SPATA17: variants seen among roughly 807,000 people sequenced by gnomAD.
The protein encoded by SPATA17 is spermatogenesis associated 17.
Under a neutral mutation model 62.2 loss-of-function variants are expected in SPATA17, and 53 were observed. The ratio of observed to expected loss-of-function variants is 0.85; its 90% CI spans 0.68 to 1.07. The LOEUF (loss-of-function observed/expected upper bound fraction) is 1.07, where lower values mean the gene tolerates loss of function less well. Among genes scored for constraint, SPATA17 ranks in the 50% least tolerant of loss-of-function variants. The pLI is 0.00. For synonymous variants in SPATA17, 146 were observed against 146.8 expected (o/e 0.99, Z 0.04); for missense variants, 466 against 425.5 (o/e 1.10, Z -0.84).
intron 8 of SPATA17, among the ~76,000 whole-genome samples, chr1:217,784,697 C>G (rs1673816201): frequency 6.6e-6 from 1 of 152,102 alleles, no homozygotes; most frequent in Non-Finnish European, 1.5e-5. Context: ...CTTTGTATTA[C>G]TACAAATGTA....
At position 217,770,978 on chromosome 1, in the gene SPATA17, A is replaced by ATTTTTTTTTTTTTTTTTTTTTTTTTTT. The variant is rs374042087; in HGVS notation, c.520-3352_520-3326dup. On this transcript the variant is annotated intron_variant, in intron 6 of 10. Coordinates refer to ENST00000366933, the MANE Select transcript of SPATA17 (RefSeq NM_138796.4). ...ATGTATCTATTATATAACTCATTGC[A>ATTTTTTTTTTTTTTTTTTTTTTTTTTT]TTTTTTTTTTTTTTTTTTTTTTTTT... Among the ~76,000 whole-genome samples the ATTTTTTTTTTTTTTTTTTTTTTTTTTT allele has an allele frequency of 9.0e-4, 45 of 50,158 alleles. 9 individuals are homozygous for ATTTTTTTTTTTTTTTTTTTTTTTTTTT. The highest frequency in any genetic ancestry group is 5.9e-3 in the East Asian group (7 of 1,196). The allele number at this position is 50,158 out of a possible 152,430, so 32.9% of individuals were successfully genotyped here. A position where few individuals can be genotyped will look rare whatever the true frequency, so the allele number is the denominator to read the frequency against.
At chr1:217,679,670 C>T (rs1327952652) in intron 4 of SPATA17, among the ~76,000 whole-genome samples, 1 of 152,108 alleles carries the variant, frequency 6.6e-6, no homozygotes, top group Non-Finnish European at 1.5e-5. Flanking sequence ...GAATTTTAGC[C>T]AGCCTTTGGA....
At chr1:217,773,078 G>C (rs1236732231) in intron 6 of SPATA17, among the ~76,000 whole-genome samples, 1 of 152,142 alleles carries the variant, frequency 6.6e-6, no homozygotes, top group East Asian at 1.9e-4. Flanking sequence ...ATAGGATATT[G>C]CATTTGGGAT....
chr1:217,636,801 C>T (rs1329446440), intron 1 of SPATA17, among the ~76,000 whole-genome samples: 1 of 152,142 alleles, frequency 6.6e-6, no homozygotes, highest in Admixed American at 6.5e-5. Context: ...CCACTTCCAT[C>T]TTTTAACTTT....
At chr1:217,654,928 T>C (rs1180666961) in intron 3 of SPATA17, among the ~76,000 whole-genome samples, 1 of 152,076 alleles carries the variant, frequency 6.6e-6, no homozygotes, top group Non-Finnish European at 1.5e-5. Flanking sequence ...AGCCAGATGG[T>C]CTCAATCTCC....
At chr1:217,790,757 A>C (rs760442679) in intron 8 of SPATA17, among the ~76,000 whole-genome samples, 8 of 152,214 alleles carry the variant, frequency 5.3e-5, no homozygotes, top group Non-Finnish European at 1.2e-4. Flanking sequence ...CTTTAAATAT[A>C]ATTTCTAATT....
At chr1:217,707,801 A>G (rs991990130) in intron 5 of SPATA17, among the ~76,000 whole-genome samples, 1 of 152,230 alleles carries the variant, frequency 6.6e-6, no homozygotes, top group African/African-American at 2.4e-5. Context: ...CCTCACAATC[A>G]GCCCTAAAAC....
intron 8 of SPATA17, among the ~76,000 whole-genome samples, chr1:217,798,769 A>G (rs138277978): frequency 4.0e-5 from 6 of 151,858 alleles, no homozygotes; most frequent in African/African-American, 1.5e-4. Flanking sequence ...GAGATGCAAC[A>G]TCCATCATAG....
intron 5 of SPATA17, among the ~76,000 whole-genome samples, chr1:217,732,902 C>G (rs1269648719): frequency 6.6e-6 from 1 of 151,992 alleles, no homozygotes; most frequent in Non-Finnish European, 1.5e-5. Flanking sequence ...TTTACAGCAA[C>G]TCTCTAGATG....
chr1:217,748,166 G>T (rs1056517327), intron 6 of SPATA17, among the ~76,000 whole-genome samples: 1 of 151,772 alleles, frequency 6.6e-6, no homozygotes, highest in African/African-American at 2.4e-5. Flanking sequence ...AGCCAGGCAT[G>T]GTGGCGAGCG....
intron 9 of SPATA17, among the ~76,000 whole-genome samples, chr1:217,858,730 A>C (rs1675833536): frequency 6.6e-6 from 1 of 152,118 alleles, no homozygotes; most frequent in Non-Finnish European, 1.5e-5. Flanking sequence ...TCTTAAAAAA[A>C]TAATAAAATA....
chr1:217,672,552 T>C (rs1041579353), intron 4 of SPATA17, among the ~76,000 whole-genome samples: 4 of 152,198 alleles, frequency 2.6e-5, no homozygotes, highest in Non-Finnish European at 4.4e-5. Flanking sequence ...AAGAGGCTAG[T>C]GGAGCATTTC....
At chr1:217,671,292 C>G (rs1360202300) in intron 4 of SPATA17, among the ~76,000 whole-genome samples, 1 of 152,194 alleles carries the variant, frequency 6.6e-6, no homozygotes, top group African/African-American at 2.4e-5. Context: ...AACATCCTCT[C>G]CTAATAATAG....
intron 4 of SPATA17, among the ~76,000 whole-genome samples, chr1:217,675,952 C>T (rs1470908928): frequency 6.6e-6 from 1 of 152,112 alleles, no homozygotes; most frequent in Non-Finnish European, 1.5e-5. Flanking sequence ...CTGACCTAGA[C>T]AGCTCTTAGG....
intron 5 of SPATA17, among the ~76,000 whole-genome samples, chr1:217,716,581 A>G (rs555082484): frequency 6.6e-6 from 1 of 152,370 alleles, no homozygotes; most frequent in African/African-American, 2.4e-5. Context: ...TAGGCAAATA[A>G]CATTATAACT....
chr1:217,753,192 G>A (rs4561096), intron 6 of SPATA17, among the ~76,000 whole-genome samples: 73,934 of 151,994 alleles, frequency 0.49, 19,233 homozygotes, highest in Non-Finnish European at 0.59. Flanking sequence ...GCCTTGGAAG[G>A]GGCCTATGAA....
intron 8 of SPATA17, among the ~76,000 whole-genome samples, chr1:217,799,187 T>C (rs1018165222): frequency 1.1e-4 from 16 of 152,162 alleles, no homozygotes; most frequent in Admixed American, 5.2e-4. Context: ...TGCACATATA[T>C]ATGTACAATT....
At chr1:217,788,071 A>G (rs970680545) in intron 8 of SPATA17, among the ~76,000 whole-genome samples, 6 of 152,152 alleles carry the variant, frequency 3.9e-5, no homozygotes, top group African/African-American at 1.4e-4. Context: ...TTCAATGTTT[A>G]ATTTACCCAT....
chr1:217,650,156 C>G, intron 2 of SPATA17, among the ~76,000 whole-genome samples: 1 of 151,960 alleles, frequency 6.6e-6, no homozygotes, highest in East Asian at 1.9e-4. Context: ...TCAGGCTGGT[C>G]TCGAACTCCC....
Sources: allele counts gnomAD v4.1 joint callset (sites outside exome capture counted in the v4.1 genomes callset), GRCh38; gene constraint gnomAD v4.1.1; transcripts MANE v1.5; gene names NCBI Gene and HGNC (gene_info 2026-07-23, HGNC 2026-07-21).